AGO3: variants seen among roughly 807,000 people sequenced by gnomAD.
AGO3 encodes argonaute RISC catalytic component 3.
AGO3 carries 16 observed loss-of-function variants against 105.5 expected under a neutral mutation model. The ratio of observed to expected loss-of-function variants is 0.15; its 90% CI spans 0.10 to 0.23. The LOEUF (loss-of-function observed/expected upper bound fraction) is 0.23, where lower values mean the gene tolerates loss of function less well. Among genes scored for constraint, AGO3 ranks in the 10% least tolerant of loss-of-function variants. The pLI is 1.00. For synonymous variants in AGO3, 340 were observed against 367.3 expected (o/e 0.93, Z 0.85); for missense variants, 534 against 1,088.0 (o/e 0.49, Z 7.16).
intron 14 of AGO3, among the ~76,000 whole-genome samples, chr1:36,036,554 A>G (rs568327318): frequency 1.3e-5 from 2 of 152,134 alleles, no homozygotes; most frequent in Non-Finnish European, 2.9e-5. Flanking sequence ...TGTTTTGAAT[A>G]GTTTGTTTGT....
At chr1:36,035,556 T>A (rs1320517307) in intron 13 of AGO3, among the ~76,000 whole-genome samples, 1 of 152,234 alleles carries the variant, frequency 6.6e-6, no homozygotes, top group Admixed American at 6.5e-5. Flanking sequence ...GATTCCTTTT[T>A]CCCTTGAGAG....
intron 16 of AGO3, among the ~76,000 whole-genome samples, chr1:36,041,235 CTTTT>C (rs958423621): frequency 2.8e-4 from 24 of 86,408 alleles, no homozygotes; most frequent in Middle Eastern, 0.021. Flanking sequence ...AATATGTTTT[CTTTT>C]TTTTTTTTTT....
chr1:35,987,782 C>T (rs1181313500), intron 5 of AGO3, among the ~76,000 whole-genome samples: 1 of 150,980 alleles, frequency 6.6e-6, no homozygotes, highest in African/African-American at 2.4e-5. Flanking sequence ...AAAAAAAAGA[C>T]CTATGGGCCA....
At chr1:35,948,705 G>A (rs1478508177) in intron 2 of AGO3, among the ~76,000 whole-genome samples, 2 of 152,156 alleles carry the variant, frequency 1.3e-5, no homozygotes, top group African/African-American at 2.4e-5. Context: ...TATTAAGTTT[G>A]TGAGAAAAAT....
At chr1:36,031,091 C>T (rs1641752258) in intron 12 of AGO3, among the ~76,000 whole-genome samples, 1 of 152,168 alleles carries the variant, frequency 6.6e-6, no homozygotes, top group Non-Finnish European at 1.5e-5. Context: ...CATCTATTAG[C>T]TCAATTAAGA....
chr1:35,959,574 T>C (rs924588344), intron 2 of AGO3, among the ~76,000 whole-genome samples: 3 of 152,188 alleles, frequency 2.0e-5, no homozygotes, highest in Admixed American at 6.5e-5. Context: ...TGTATTTTTA[T>C]TAGTCTAGTT....
intron 5 of AGO3, among the ~76,000 whole-genome samples, chr1:35,985,603 T>TA (rs925569677): frequency 8.5e-5 from 13 of 152,186 alleles, no homozygotes; most frequent in Non-Finnish European, 1.5e-5. Flanking sequence ...AGTTTAACTT[T>TA]AAAAAAATTA....
intron 11 of AGO3, among the ~76,000 whole-genome samples, chr1:36,015,427 A>C (rs753620317): frequency 6.6e-5 from 10 of 152,186 alleles, no homozygotes; most frequent in Non-Finnish European, 1.5e-4. Flanking sequence ...CTCATTGATT[A>C]AACTGTTAGC....
At chr1:36,052,783 G>A (rs1053911355) in intron 17 of AGO3, among the ~76,000 whole-genome samples, 13 of 152,010 alleles carry the variant, frequency 8.6e-5, no homozygotes, top group Non-Finnish European at 1.3e-4. Context: ...AGGCCGAGGC[G>A]AGTGGATTGC....
intron 6 of AGO3, among the ~76,000 whole-genome samples, chr1:36,006,367 C>T (rs974941573): frequency 6.6e-6 from 1 of 151,878 alleles, no homozygotes; most frequent in Non-Finnish European, 1.5e-5. Context: ...TCCAGTAACT[C>T]GTGATAGTTA....
chr1:36,003,470 G>A (rs1019335026), intron 5 of AGO3, among the ~76,000 whole-genome samples: 2 of 151,694 alleles, frequency 1.3e-5, no homozygotes, highest in African/African-American at 4.8e-5. Context: ...TGAGGCAGGC[G>A]GATCACCTGA....
chr1:36,051,739 CA>C (rs1330178515), intron 17 of AGO3, among the ~76,000 whole-genome samples: 1 of 151,922 alleles, frequency 6.6e-6, no homozygotes, highest in African/African-American at 2.4e-5. Flanking sequence ...AGAACTCAAA[CA>C]ACTCAACAGC....
Position 35,976,866 on chromosome 1 carries a change from TA to T in AGO3, c.658+3356del, listed in dbSNP as rs150206246. ...TACAATCTTTGTCAAGTTTTGGTATTATTTCCTAAAAAATTCAGAAGTTTTC... is the reference window on the plus strand; with the variant it reads ...TACAATCTTTGTCAAGTTTTGGTATTTTTCCTAAAAAATTCAGAAGTTTTC... On this transcript the variant is annotated intron_variant, in intron 5 of 18. Transcript: ENST00000373191. 8.1e-3 allele frequency among the ~76,000 whole-genome samples: 1,228 copies of T among 152,256 alleles called. 15 individuals are homozygous for T. The highest frequency in any genetic ancestry group is 0.028 in the African/African-American group (1,152 of 41,552).
chr1:36,037,195 G>A (rs72661660), intron 14 of AGO3, among the ~76,000 whole-genome samples: 1 of 152,092 alleles, frequency 6.6e-6, no homozygotes, highest in Non-Finnish European at 1.5e-5. Context: ...CATCTTTTAG[G>A]CATATTTAAT....
At chr1:35,993,441 C>T (rs1328126974) in intron 5 of AGO3, among the ~76,000 whole-genome samples, 1 of 152,044 alleles carries the variant, frequency 6.6e-6, no homozygotes, top group East Asian at 1.9e-4. Flanking sequence ...GAGGGTATCA[C>T]TAAAAATTCT....
At chr1:35,933,074 G>A (rs970779263) in intron 1 of AGO3, among the ~76,000 whole-genome samples, 4 of 151,998 alleles carry the variant, frequency 2.6e-5, no homozygotes, top group Middle Eastern at 3.4e-3. Flanking sequence ...TTCTTTTTTG[G>A]GTGTCCCATT....
chr1:36,019,640 T>C (rs1317507911), intron 11 of AGO3, among the ~76,000 whole-genome samples: 1 of 152,262 alleles, frequency 6.6e-6, no homozygotes, highest in African/African-American at 2.4e-5. Context: ...TGTTCAGATG[T>C]AGCAGAAAGG....
Position 36,027,024 on chromosome 1 carries a change from C to T in AGO3, c.1407-90C>T, listed in dbSNP as rs1020513177. On this transcript the variant is annotated intron_variant, in intron 11 of 18. Transcript: ENST00000373191. The surrounding 1 kb of genome is among the most constrained non-coding windows in gnomAD (Gnocchi z 4.0). ...TGAAGCACACAAATCTTTGCTTCATCCTTCCATTCCCTTCCCAAACTTCCC... is the reference window on the plus strand; with the variant it reads ...TGAAGCACACAAATCTTTGCTTCATTCTTCCATTCCCTTCCCAAACTTCCC... The T allele has an allele frequency of 1.4e-6, 2 of 1,417,358 alleles. No individual in the cohort carries two copies. Among genetic ancestry groups the T allele is most frequent in the African/African-American group, 2.9e-5 (2 of 69,698 alleles). 87.8% of individuals were successfully genotyped at this position (1,417,358 alleles called of 1,614,324 possible).
chr1:35,943,771 GT>G (rs1363714948), intron 1 of AGO3, among the ~76,000 whole-genome samples: 5 of 150,174 alleles, frequency 3.3e-5, no homozygotes, highest in Non-Finnish European at 1.5e-5. Context: ...AATTTTTTGT[GT>G]TTTTGGTAGA....
Sources: gnomAD v4.1 joint callset for allele counts (sites outside exome capture counted in the v4.1 genomes callset) on GRCh38, gnomAD v4.1.1 for gene constraint, Gnocchi (gnomAD v3.1) non-coding constraint, MANE v1.5 for transcripts, NCBI Gene and HGNC (gene_info 2026-07-23, HGNC 2026-07-21) for gene names.